BDH2: variants seen among roughly 807,000 people sequenced by gnomAD.
BDH2 encodes dehydrogenase/reductase SDR family member 6.
A neutral mutation model predicts 33.2 loss-of-function variants in BDH2; 24 were observed. That is an observed-to-expected ratio of 0.72 (90% CI 0.52 to 1.02). The LOEUF (loss-of-function observed/expected upper bound fraction) is 1.02, where lower values mean the gene tolerates loss of function less well. Among genes scored for constraint, BDH2 ranks in the 50% least tolerant of loss-of-function variants. BDH2 has a pLI of 0.00. For synonymous variants in BDH2, 81 were observed against 101.6 expected (o/e 0.80, Z 1.22); for missense variants, 249 against 301.6 (o/e 0.83, Z 1.29).
chr4:103,081,676 G>A (rs770977588), intron 9 of BDH2, among the ~76,000 whole-genome samples: 1 of 152,302 alleles, frequency 6.6e-6, no homozygotes, highest in African/African-American at 2.4e-5. Context: ...CACCACATGC[G>A]AATTCTGTGT....
intron 3 of BDH2, among the ~76,000 whole-genome samples, 200 bp downstream of exon 3, chr4:103,095,003 T>C (rs900825873): frequency 2.6e-5 from 4 of 152,222 alleles, no homozygotes; most frequent in Admixed American, 2.6e-4. Context: ...TAAGTATTCG[T>C]CCTCAAATTT....
intron 9 of BDH2, 99 bp from the exon 10 acceptor site, chr4:103,079,854 C>T (rs1747423005): frequency 1.8e-6 from 2 of 1,108,012 alleles, no homozygotes; most frequent in African/African-American, 1.5e-5. Flanking sequence ...ACAATTTACC[C>T]TTGTCCTAAC....
intron 1 of BDH2, chr4:103,098,990 G>A (rs1748530896): frequency 6.6e-6 from 1 of 152,054 alleles, no homozygotes; most frequent in Non-Finnish European, 1.5e-5. Context: ...TTGATGCAAT[G>A]AATTTTTGCT....
rs1182664760 is a variant in BDH2, at chr4:103,078,318, T to G, written c.*1384A>C. On this transcript the variant is annotated 3_prime_UTR_variant, in exon 10 of 10. Transcript: ENST00000296424. ...CCTGTTACATAATTTATATTTAAAT[T>G]TACATTTATTTATCCAGAAACTATG... Among the ~76,000 whole-genome samples the G allele has an allele frequency of 6.6e-6, 1 of 152,254 alleles. No individual in the cohort carries two copies. Among genetic ancestry groups the G allele is most frequent in the East Asian group, 1.9e-4 (1 of 5,202 alleles).
intron 4 of BDH2, chr4:103,091,634 A>G: frequency 2.3e-6 from 1 of 443,458 alleles, no homozygotes; most frequent in South Asian, 1.6e-5. Context: ...AGCCTCAGCT[A>G]CTTTGAAGGC....
At chr4:103,085,050 A>G (rs1325305284) in intron 7 of BDH2, among the ~76,000 whole-genome samples, 2 of 152,262 alleles carry the variant, frequency 1.3e-5, no homozygotes, top group Non-Finnish European at 2.9e-5. Context: ...GTAAAAGTAC[A>G]TATCAATTTA....
At chr4:103,097,597 G>A (rs1328774278) in intron 1 of BDH2, 1 of 152,182 alleles carries the variant, frequency 6.6e-6, no homozygotes, top group Non-Finnish European at 1.5e-5. Flanking sequence ...AAAAAGAAAG[G>A]GAGGAGCAAA....
intron 4 of BDH2, 143 bp from the exon 5 acceptor site, chr4:103,091,428 T>C: frequency 1.7e-6 from 1 of 582,396 alleles, no homozygotes; most frequent in African/African-American, 1.9e-5. Context: ...TAGTATCACT[T>C]AGTATATTAT....
chr4:103,091,883 G>A (rs12506157), intron 4 of BDH2: 2 of 412,346 alleles, frequency 4.9e-6, no homozygotes, highest in African/African-American at 4.2e-5. Flanking sequence ...ACAAGTGTCT[G>A]AACATCTCAG....
chr4:103,081,955 A>G (rs527870773), intron 9 of BDH2, 126 bp downstream of exon 9: 18 of 698,426 alleles, frequency 2.6e-5, no homozygotes, highest in Non-Finnish European at 3.9e-5. Flanking sequence ...ACTTATCCCT[A>G]TCTTATAAAT....
chr4:103,096,493 T>A (rs1224894358), intron 1 of BDH2, among the ~76,000 whole-genome samples: 3 of 151,320 alleles, frequency 2.0e-5, no homozygotes, highest in Non-Finnish European at 2.9e-5. Context: ...ACATTTACCA[T>A]AACCCACTGA....
chr4:103,091,340 C>A, intron 4 of BDH2, 55 bp from the exon 5 acceptor site: 1 of 1,156,736 alleles, frequency 8.6e-7, no homozygotes, highest in East Asian at 2.4e-5. Context: ...TTTTCTATTC[C>A]ATCTGCTGAT....
At position 103,082,083 on chromosome 4, in the gene BDH2, C is replaced by A. The variant is rs749753747; in HGVS notation, c.682G>T (p.Glu228Ter). 1 of 1,613,642 alleles carries A rather than the reference C, an allele frequency of 6.2e-7. No individual in the cohort carries two copies. The highest frequency in any genetic ancestry group is 1.1e-5 in the South Asian group (1 of 91,064). Residue 228 changes from glutamate (E) to a stop codon, truncating the protein, a stop_gained and splice_region_variant, in exon 9 of 10, where the codon GAA (glutamate) becomes TAA (stop). Coordinates refer to ENST00000296424, the MANE Select transcript of BDH2 (RefSeq NM_020139.4). LOFTEE classifies it high-confidence loss of function. ...TCCTTGGGAAGAATAGTGCTTACTT[C>A]ATCAGAAGCCAAATACACGCAGAGC... ...AMLCVYLASD[E>*]SAYVTGNPVI...
intron 5 of BDH2, among the ~76,000 whole-genome samples, chr4:103,089,263 T>A (rs930340369): frequency 2.0e-5 from 3 of 152,220 alleles, no homozygotes; most frequent in African/African-American, 7.2e-5. Context: ...TAACCTATCA[T>A]CCTCATTTTT....
intron 5 of BDH2, among the ~76,000 whole-genome samples, chr4:103,088,560 G>C (rs1747915717): frequency 6.6e-6 from 1 of 152,128 alleles, no homozygotes; most frequent in Admixed American, 6.5e-5. Context: ...ATGGTGTCAG[G>C]CTCTCCCTGG....
intron 5 of BDH2, 91 bp from the exon 6 acceptor site, chr4:103,086,631 T>C: frequency 6.8e-7 from 1 of 1,474,152 alleles, no homozygotes; most frequent in Non-Finnish European, 9.1e-7. Flanking sequence ...TCTTAGGGTT[T>C]GCAGAATGAA....
chr4:103,089,526 C>T (rs187026089), intron 5 of BDH2, among the ~76,000 whole-genome samples: 1 of 152,294 alleles, frequency 6.6e-6, no homozygotes, highest in African/African-American at 2.4e-5. Context: ...TTGTAAATCA[C>T]AAGCAAACTC....
At chr4:103,098,460 A>T (rs1301617676) in intron 1 of BDH2, among the ~76,000 whole-genome samples, 3 of 151,910 alleles carry the variant, frequency 2.0e-5, no homozygotes, top group African/African-American at 7.3e-5. Flanking sequence ...CAGACCGCTG[A>T]CCCCAGGAAG....
chr4:103,093,031 G>A (rs1185906739), intron 3 of BDH2, among the ~76,000 whole-genome samples: 1 of 152,110 alleles, frequency 6.6e-6, no homozygotes, highest in Non-Finnish European at 1.5e-5. Flanking sequence ...AACTGAAAAT[G>A]GGCTCATTTG....
Sources: gnomAD v4.1 joint callset for allele counts (sites outside exome capture counted in the v4.1 genomes callset) on GRCh38, gnomAD v4.1.1 for gene constraint, MANE v1.5 for transcripts, NCBI Gene and HGNC (gene_info 2026-07-23, HGNC 2026-07-21) for gene names.